BABAM2: variants seen among roughly 807,000 people sequenced by gnomAD.
BABAM2 encodes BRISC and BRCA1-A complex member 2.
A neutral mutation model predicts 54.7 loss-of-function variants in BABAM2; 31 were observed. The observed-to-expected ratio is 0.57, with a 90% CI of 0.43 to 0.77. BABAM2 has a LOEUF of 0.77. Among genes scored for constraint, BABAM2 ranks in the 30% least tolerant of loss-of-function variants. The pLI, the probability that BABAM2 is intolerant of heterozygous loss-of-function variation, is 0.00. For missense variants in BABAM2, 364 were observed against 455.8 expected, an observed-to-expected ratio of 0.80 and a Z score of 1.83; for synonymous variants, 167 against 162.9, an observed-to-expected ratio of 1.03 and a Z score of -0.19.
intron 3 of BABAM2, among the ~76,000 whole-genome samples, chr2:27,938,940 G>A (rs1191752117): frequency 6.6e-6 from 1 of 151,982 alleles, no homozygotes; most frequent in Non-Finnish European, 1.5e-5. Context: ...TGTGGTGTAT[G>A]GTTTAAACTA....
intron 7 of BABAM2, among the ~76,000 whole-genome samples, chr2:28,222,292 G>T (rs904629782): frequency 6.6e-6 from 1 of 152,156 alleles, no homozygotes. Flanking sequence ...TTGATGGAGA[G>T]CCCAACCAGA....
intron 2 of BABAM2, among the ~76,000 whole-genome samples, chr2:27,909,588 T>C (rs1461118965): frequency 6.6e-6 from 1 of 152,224 alleles, no homozygotes; most frequent in East Asian, 1.9e-4. Context: ...ACTTCTTGTA[T>C]GTTCTCCAGT....
intron 6 of BABAM2, among the ~76,000 whole-genome samples, chr2:28,073,300 G>T (rs1447984861): frequency 1.3e-5 from 2 of 152,028 alleles, no homozygotes; most frequent in Admixed American, 1.3e-4. Flanking sequence ...TTTGAGACCA[G>T]CCTGGGCAAC....
intron 5 of BABAM2, among the ~76,000 whole-genome samples, chr2:28,028,925 C>G (rs973419792): frequency 2.6e-5 from 4 of 152,042 alleles, no homozygotes; most frequent in Admixed American, 6.6e-5. Context: ...TGCCACCACG[C>G]CCGGCTAATT....
rs1308845681 is a variant in BABAM2, at chr2:28,304,418, A to G, written c.1088+5927A>G. Among the ~76,000 whole-genome samples the G allele has an allele frequency of 6.7e-6, 1 of 150,130 alleles. No individual in the cohort carries two copies. The highest frequency in any genetic ancestry group is 1.9e-4 in the East Asian group (1 of 5,172). Reference sequence around the variant, plus strand: ...ATATAAAATATTTATAAATATATAAAAATATAAACAAAATTTTTAAAAATT... The same window carrying G: ...ATATAAAATATTTATAAATATATAAGAATATAAACAAAATTTTTAAAAATT... On this transcript the variant is annotated intron_variant, in intron 11 of 11. Transcript: ENST00000379624. This position sits in a 1 kb window ranked among gnomAD's most constrained non-coding sequence, Gnocchi z 4.0.
intron 11 of BABAM2, among the ~76,000 whole-genome samples, chr2:28,318,512 C>T (rs1227177100): frequency 1.3e-5 from 2 of 152,140 alleles, no homozygotes; most frequent in Non-Finnish European, 1.5e-5. Flanking sequence ...TCAAATCCAG[C>T]GTTCTATGAC....
At chr2:28,036,756 T>C (rs2148591910) in intron 5 of BABAM2, among the ~76,000 whole-genome samples, 1 of 152,336 alleles carries the variant, frequency 6.6e-6, no homozygotes, top group Middle Eastern at 3.4e-3. Flanking sequence ...TTCTCTTTTG[T>C]TTGTTCAAAT....
intron 11 of BABAM2, chr2:28,309,005 C>T (rs1032764180): frequency 6.6e-6 from 1 of 152,274 alleles, no homozygotes; most frequent in African/African-American, 2.4e-5. Context: ...TTATTAATCT[C>T]ACAGTTTCTG....
intron 2 of BABAM2, among the ~76,000 whole-genome samples, chr2:27,922,974 A>G (rs187477222): frequency 2.0e-5 from 3 of 152,202 alleles, no homozygotes; most frequent in African/African-American, 7.2e-5. Flanking sequence ...TCATACTTGT[A>G]TAAGGAAATG....
intron 4 of BABAM2, among the ~76,000 whole-genome samples, chr2:27,992,176 A>G (rs1169245815): frequency 6.6e-6 from 1 of 152,158 alleles, no homozygotes; most frequent in African/African-American, 2.4e-5. Flanking sequence ...CTATTTGTAT[A>G]TATCCTTTGG....
At chr2:27,956,962 A>C (rs1670135729) in intron 3 of BABAM2, among the ~76,000 whole-genome samples, 1 of 152,198 alleles carries the variant, frequency 6.6e-6, no homozygotes, top group African/African-American at 2.4e-5. Flanking sequence ...TGAATCTGAT[A>C]AGCAAATCAT....
At chr2:28,238,482 C>T (rs1474202931) in intron 8 of BABAM2, among the ~76,000 whole-genome samples, 1 of 152,174 alleles carries the variant, frequency 6.6e-6, no homozygotes, top group Non-Finnish European at 1.5e-5. Context: ...AGATAGCTCA[C>T]TTCTATATAG....
At chr2:28,179,075 A>G (rs1283793707) in intron 7 of BABAM2, among the ~76,000 whole-genome samples, 1 of 152,004 alleles carries the variant, frequency 6.6e-6, no homozygotes, top group East Asian at 1.9e-4. Flanking sequence ...GAGAAATAAC[A>G]TTACTTCTTC....
At chr2:27,910,178 A>G (rs1375380002) in intron 2 of BABAM2, among the ~76,000 whole-genome samples, 1 of 152,206 alleles carries the variant, frequency 6.6e-6, no homozygotes, top group African/African-American at 2.4e-5. Context: ...AGACAAGGCC[A>G]TTATCTGGCA....
chr2:27,953,901 G>A (rs943818423), intron 3 of BABAM2, among the ~76,000 whole-genome samples: 25 of 152,280 alleles, frequency 1.6e-4, no homozygotes, highest in African/African-American at 6.0e-4. Flanking sequence ...AAAGAGACAG[G>A]TAAGAGAGAT....
At chr2:28,117,981 A>G (rs10495762) in intron 6 of BABAM2, among the ~76,000 whole-genome samples, 15,907 of 152,212 alleles carry the variant, frequency 0.1, 858 homozygotes, top group East Asian at 0.13. Context: ...GATGTGGTAA[A>G]TGGTATTCAT....
intron 3 of BABAM2, among the ~76,000 whole-genome samples, chr2:27,969,060 C>A (rs1671027396): frequency 6.6e-6 from 1 of 152,090 alleles, no homozygotes; most frequent in African/African-American, 2.4e-5. Context: ...GGGGGTAGAT[C>A]TTTCCCATGC....
Position 28,221,481 on chromosome 2 carries a change from AC to A in BABAM2, c.681-15720del, listed in dbSNP as rs1680415221. Among the ~76,000 whole-genome samples, 3 of 152,190 alleles carry A rather than the reference AC, an allele frequency of 2.0e-5. No homozygotes were observed. In the South Asian group the frequency reaches 6.2e-4, roughly 31 times the overall value. ...TTGTTGTTGTTGCTTTAATTTAGCC[AC>A]AAAAAAATGTATGACATATTACATA... On this transcript the variant is annotated intron_variant, in intron 7 of 11. Transcript: ENST00000379624.
intron 2 of BABAM2, among the ~76,000 whole-genome samples, chr2:27,917,014 C>CTTTTTTTTTTTT: frequency 1.1e-5 from 1 of 90,108 alleles, no homozygotes; most frequent in Non-Finnish European, 2.3e-5. Context: ...TCACTCCAAA[C>CTTTTTTTTTTTT]TTTTTTTTTT....
Sources: allele counts gnomAD v4.1 joint callset (sites outside exome capture counted in the v4.1 genomes callset), GRCh38; gene constraint gnomAD v4.1.1; non-coding constraint Gnocchi (gnomAD v3.1); transcripts MANE v1.5; gene names NCBI Gene and HGNC (gene_info 2026-07-23, HGNC 2026-07-21).